The following RORC variants were observed in gnomAD, a reference collection of about 807,000 sequenced individuals.
The protein encoded by RORC is nuclear receptor ROR-gamma.
In RORC, 13 loss-of-function variants were observed where a neutral mutation model predicts 64.5. The observed-to-expected ratio is 0.20, with a 90% CI of 0.13 to 0.32. RORC has a LOEUF of 0.32. RORC is among the 10% of genes least tolerant of loss of function. The pLI, the probability that RORC is intolerant of heterozygous loss-of-function variation, is 1.00. For synonymous variants in RORC, 277 were observed against 259.3 expected, an observed-to-expected ratio of 1.07 and a Z score of -0.65; for missense variants, 468 against 669.5, an observed-to-expected ratio of 0.70 and a Z score of 3.32.
rs570024368 is a variant in RORC, at chr1:151,830,725, C to T, written c.40+1000G>A. Among the ~76,000 whole-genome samples, 3 of 151,538 alleles carry T rather than the reference C, an allele frequency of 2.0e-5. No homozygotes were observed. The highest frequency in any genetic ancestry group is 1.3e-4 in the Admixed American group (2 of 15,214). ...CCGTGGTCACTAGGCTGTGTGGAGG[C>T]GAGTGGCCTGATGGCCTGGGCTCTG... On this transcript the variant is annotated intron_variant, in intron 1 of 10. Transcript: ENST00000318247. The surrounding 1 kb of genome is among the most constrained non-coding windows in gnomAD (Gnocchi z 4.0).
At position 151,830,917 on chromosome 1, in the gene RORC, C is replaced by T; in HGVS notation, c.40+808G>A. The T allele has an allele frequency of 7.8e-7, 1 of 1,286,782 alleles. No homozygotes were observed. The highest frequency in any genetic ancestry group is 1.0e-6 in the Non-Finnish European group (1 of 987,288). The allele number at this position is 1,286,782 out of a possible 1,614,324, so 79.7% of individuals were successfully genotyped here. A position where few individuals can be genotyped will look rare whatever the true frequency, so the allele number is the denominator to read the frequency against. On this transcript the variant is annotated intron_variant, in intron 1 of 10. Coordinates refer to ENST00000318247, the MANE Select transcript of RORC (RefSeq NM_005060.4). The surrounding 1 kb of genome is among the most constrained non-coding windows in gnomAD (Gnocchi z 4.0). ...GAGCAGTCCTGTGGTGGGGGTGCTC[C>T]CCTTGCTCACCCAGGCAGCCAGTTC...
intron 2 of RORC, among the ~76,000 whole-genome samples, chr1:151,827,912 C>T (rs1021166503): frequency 1.2e-4 from 19 of 152,192 alleles, no homozygotes; most frequent in African/African-American, 2.9e-4. Context: ...CCTGCTGCTC[C>T]GAAAGTCCCC....
At chr1:151,829,127 C>T (rs533941257) in intron 2 of RORC, among the ~76,000 whole-genome samples, 59 of 151,684 alleles carry the variant, frequency 3.9e-4, no homozygotes, top group Admixed American at 3.5e-3. Flanking sequence ...CCCACCCCCT[C>T]CCATCTCCCT....
At position 151,816,784 on chromosome 1, in the gene RORC, G is replaced by A. The variant is rs1339706501; in HGVS notation, c.178C>T (p.Arg60Cys). The A allele has an allele frequency of 3.2e-6, 5 of 1,550,528 alleles. No individual in the cohort carries two copies. The highest frequency in any genetic ancestry group is 2.7e-5 in the African/African-American group (2 of 73,390). The change falls in exon 4 of 11, where the codon CGC becomes TGC. Residue 60 changes from arginine (R) to cysteine (C), a missense_variant. Coordinates refer to ENST00000318247, the MANE Select transcript of RORC (RefSeq NM_005060.4). ...GCKGFFRRSQRCNAAYSCTRQ... is the reference protein window; with the variant it reads ...GCKGFFRRSQCCNAAYSCTRQ... ...GTGCAGGAGTAGGCCGCGTTACAGC[G>A]CTGGCTCCGGCGGAAGAAGCCCTGG... is the stretch of plus-strand genomic sequence containing the variant.
chr1:151,822,240 C>T (rs113841271), intron 2 of RORC, among the ~76,000 whole-genome samples: 2 of 151,940 alleles, frequency 1.3e-5, no homozygotes, highest in Non-Finnish European at 2.9e-5. Context: ...GCTCTCAGTT[C>T]CCCCAGCTTC....
chr1:151,815,448 G>T, intron 4 of RORC, 23 bp from the exon 5 acceptor site: 3 of 1,516,318 alleles, frequency 2.0e-6, no homozygotes, highest in Non-Finnish European at 2.6e-6. Flanking sequence ...CAGGGACCAG[G>T]GGTTTATGAG....
chr1:151,826,308 C>T (rs535436353), intron 2 of RORC, among the ~76,000 whole-genome samples: 1 of 152,278 alleles, frequency 6.6e-6, no homozygotes, highest in East Asian at 1.9e-4. Context: ...TTTCCACCCG[C>T]CAGGGTAGTT....
chr1:151,818,712 C>G (rs559420618), intron 2 of RORC, among the ~76,000 whole-genome samples: 1 of 152,202 alleles, frequency 6.6e-6, no homozygotes, highest in African/African-American at 2.4e-5. Flanking sequence ...AGGGCCAAAG[C>G]CCCTTTTAAT....
At chr1:151,821,732 T>G (rs1285764889) in intron 2 of RORC, among the ~76,000 whole-genome samples, 1 of 152,240 alleles carries the variant, frequency 6.6e-6, no homozygotes, top group South Asian at 2.1e-4. Context: ...GACGCCCAAA[T>G]GCACACCGGA....
chr1:151,831,524 G>A (rs746672309), intron 1 of RORC: 2 of 428,992 alleles, frequency 4.7e-6, no homozygotes, highest in Non-Finnish European at 6.2e-6. Context: ...CTCCTTTTGC[G>A]ATTTCTTCTC....
chr1:151,821,765 ATT>A (rs1271998956), intron 2 of RORC, among the ~76,000 whole-genome samples: 2 of 152,182 alleles, frequency 1.3e-5, no homozygotes, highest in Non-Finnish European at 2.9e-5. Flanking sequence ...GGACATGGTT[ATT>A]TGGCTGTAGG....
At chr1:151,814,438 T>C (rs1199081407) in intron 6 of RORC, 136 bp downstream of exon 6, 4 of 818,554 alleles carry the variant, frequency 4.9e-6, no homozygotes, top group East Asian at 2.7e-5. Flanking sequence ...ATAAAAGGTG[T>C]GCACATGCTT....
intron 1 of RORC, chr1:151,831,002 T>A: frequency 2.3e-6 from 3 of 1,289,302 alleles, no homozygotes; most frequent in Non-Finnish European, 3.0e-6. Flanking sequence ...TCCTCCTCCA[T>A]GCTCACAGCT....
At chr1:151,821,025 T>C (rs1208080414) in intron 2 of RORC, among the ~76,000 whole-genome samples, 1 of 152,216 alleles carries the variant, frequency 6.6e-6, no homozygotes, top group African/African-American at 2.4e-5. Flanking sequence ...TCCTCTGAAT[T>C]GCTTTAGAGA....
chr1:151,829,666 G>C (rs909479248), intron 1 of RORC, among the ~76,000 whole-genome samples: 1 of 152,158 alleles, frequency 6.6e-6, no homozygotes, highest in Non-Finnish European at 1.5e-5. Context: ...GAAGTGTCAG[G>C]CTCCTCACTG....
chr1:151,831,016 C>T (rs920196348), intron 1 of RORC: 3 of 1,289,224 alleles, frequency 2.3e-6, no homozygotes, highest in Non-Finnish European at 3.0e-6. Context: ...CACAGCTGAC[C>T]AAGCCTGTGG....
chr1:151,829,880 T>A (rs11801866), intron 1 of RORC, among the ~76,000 whole-genome samples: 11,125 of 152,354 alleles, frequency 0.073, 465 homozygotes, highest in Non-Finnish European at 0.097. Context: ...TGTCACCAAC[T>A]GTCACCTAAC....
chr1:151,817,168 GCA>G (rs1651798239), intron 3 of RORC, 25 bp downstream of exon 3: 1 of 1,494,640 alleles, frequency 6.7e-7, no homozygotes, highest in Non-Finnish European at 9.3e-7. Flanking sequence ...ACGCACACAT[GCA>G]TGCATACACA....
Position 151,831,756 on chromosome 1 carries a change from C to T in RORC, c.9G>A (p.Arg3=), listed in dbSNP as rs1652427449. 2 of 1,609,760 alleles carry T rather than the reference C, an allele frequency of 1.2e-6. No homozygotes were observed. The highest frequency in any genetic ancestry group is 2.2e-5 in the East Asian group (1 of 44,876). The change falls in exon 1 of 11, where the codon AGG becomes AGA. Residue 3 remains arginine, a synonymous_variant. Coordinates refer to ENST00000318247, the MANE Select transcript of RORC (RefSeq NM_005060.4). MD[R]APQRQHRASR... is the part of the protein sequence containing the mutation. ...AGGCTCGGTGCTGTCTCTGTGGGGCCCTGTCCATGGGGCAGCTCCCTTGGT... is the reference window on the plus strand; with the variant it reads ...AGGCTCGGTGCTGTCTCTGTGGGGCTCTGTCCATGGGGCAGCTCCCTTGGT...
Sources: allele counts gnomAD v4.1 joint callset (sites outside exome capture counted in the v4.1 genomes callset), GRCh38; gene constraint gnomAD v4.1.1; non-coding constraint Gnocchi (gnomAD v3.1); transcripts MANE v1.5; gene names NCBI Gene and HGNC (gene_info 2026-07-23, HGNC 2026-07-21).